The following PLXDC2 variants were observed in gnomAD, a reference collection of about 807,000 sequenced individuals.
The protein encoded by PLXDC2 is plexin domain-containing protein 2.
PLXDC2 carries 40 observed loss-of-function variants against 68.9 expected under a neutral mutation model. That is an observed-to-expected ratio of 0.58 (90% CI 0.45 to 0.76). The LOEUF (loss-of-function observed/expected upper bound fraction) is 0.76. PLXDC2 is among the 30% of genes least tolerant of loss of function. The pLI is 0.00. For synonymous variants in PLXDC2, 243 were observed against 234.2 expected (o/e 1.04, Z -0.34); for missense variants, 644 against 661.9 (o/e 0.97, Z 0.30).
At chr10:20,207,912 C>T (rs1835014636) in intron 9 of PLXDC2, among the ~76,000 whole-genome samples, 1 of 152,108 alleles carries the variant, frequency 6.6e-6, no homozygotes, top group African/African-American at 2.4e-5. Flanking sequence ...TCACATTCCA[C>T]TTGAATTAAA....
chr10:20,004,689 C>T (rs1176901093), intron 2 of PLXDC2, among the ~76,000 whole-genome samples: 3 of 152,200 alleles, frequency 2.0e-5, no homozygotes, highest in African/African-American at 7.2e-5. Context: ...TCTGTAATCT[C>T]TCCTGTGGGG....
At chr10:20,123,930 G>A (rs528899523) in intron 4 of PLXDC2, among the ~76,000 whole-genome samples, 4 of 152,020 alleles carry the variant, frequency 2.6e-5, no homozygotes, top group African/African-American at 9.7e-5. Flanking sequence ...GATATAAGGG[G>A]TTGGGGTAAT....
At chr10:20,269,392 G>A (rs1289202756) in intron 13 of PLXDC2, among the ~76,000 whole-genome samples, 6 of 152,026 alleles carry the variant, frequency 3.9e-5, no homozygotes, top group South Asian at 2.1e-4. Context: ...AAAGGATTCC[G>A]TCAAATGCTA....
intron 2 of PLXDC2, among the ~76,000 whole-genome samples, chr10:20,018,585 G>T (rs552331078): frequency 6.6e-6 from 1 of 152,030 alleles, no homozygotes; most frequent in Non-Finnish European, 1.5e-5. Flanking sequence ...GCTTATAAGC[G>T]GTTTACTACT....
At chr10:20,084,705 G>A (rs1433738580) in intron 4 of PLXDC2, among the ~76,000 whole-genome samples, 2 of 151,996 alleles carry the variant, frequency 1.3e-5, no homozygotes, top group African/African-American at 2.4e-5. Flanking sequence ...AAAGACAGTT[G>A]TGTTTAACGA....
chr10:20,283,638 A>G lies in PLXDC2; in HGVS notation c.*3819A>G, dbSNP rs192107246. On this transcript the variant is annotated 3_prime_UTR_variant, in exon 14 of 14. Coordinates refer to ENST00000377252, the MANE Select transcript of PLXDC2 (RefSeq NM_032812.9). The stretch of plus-strand genomic sequence containing the variant: ...CCATGTATTTATCCACTCTTTCACA[A>G]CATTGCCTATGAACATCCTTCAACT... 6.6e-6 allele frequency: 1 copy of G among 152,288 alleles called. No individual in the cohort carries two copies. Among genetic ancestry groups the G allele is most frequent in the Admixed American group, 6.5e-5 (1 of 15,298 alleles). The allele number at this position is 152,288 out of a possible 1,614,324, so 9.4% of individuals were successfully genotyped here. A position where few individuals can be genotyped will look rare whatever the true frequency, so the allele number is the denominator to read the frequency against.
chr10:20,120,843 C>T (rs144367388), intron 4 of PLXDC2, among the ~76,000 whole-genome samples: 53,089 of 152,002 alleles, frequency 0.35, 11,990 homozygotes, highest in Non-Finnish European at 0.52. Flanking sequence ...TTCTAAGAGG[C>T]GGGCTAGTGG....
At chr10:19,883,967 G>A (rs1589518325) in intron 1 of PLXDC2, among the ~76,000 whole-genome samples, 1 of 139,784 alleles carries the variant, frequency 7.2e-6, no homozygotes, top group African/African-American at 2.7e-5. Flanking sequence ...GATTGATCTC[G>A]GCTCACTGCA....
chr10:20,050,522 A>G (rs1313951459), intron 3 of PLXDC2, among the ~76,000 whole-genome samples: 1 of 152,152 alleles, frequency 6.6e-6, no homozygotes, highest in Non-Finnish European at 1.5e-5. Context: ...ACAAGAAAAA[A>G]ACGCATTAAA....
At chr10:20,200,770 T>A (rs993746283) in intron 9 of PLXDC2, among the ~76,000 whole-genome samples, 1 of 151,930 alleles carries the variant, frequency 6.6e-6, no homozygotes, top group African/African-American at 2.4e-5. Flanking sequence ...AATATAATTT[T>A]AAAAATACTC....
chr10:19,890,407 C>T (rs1261518886), intron 1 of PLXDC2, among the ~76,000 whole-genome samples: 4 of 152,082 alleles, frequency 2.6e-5, no homozygotes, highest in Non-Finnish European at 4.4e-5. Context: ...CTTCTTCCCT[C>T]CGCTCCCTAG....
intron 1 of PLXDC2, among the ~76,000 whole-genome samples, chr10:19,878,314 G>A (rs1162941011): frequency 1.3e-5 from 2 of 151,612 alleles, no homozygotes; most frequent in Non-Finnish European, 2.9e-5. Context: ...TGATCCTCCT[G>A]TCTCAGCCTC....
chr10:19,850,980 A>G (rs1383986963), intron 1 of PLXDC2, among the ~76,000 whole-genome samples: 2 of 152,198 alleles, frequency 1.3e-5, no homozygotes. Context: ...ATGTAACCCC[A>G]GAAGATTTAA....
intron 3 of PLXDC2, among the ~76,000 whole-genome samples, chr10:20,061,971 T>C (rs2131699939): frequency 6.6e-6 from 1 of 152,348 alleles, no homozygotes; most frequent in Admixed American, 6.5e-5. Flanking sequence ...AAACTAGTTT[T>C]AAAGAACTAT....
intron 5 of PLXDC2, among the ~76,000 whole-genome samples, 184 bp from the exon 6 acceptor site, chr10:20,147,600 C>G (rs1042315917): frequency 6.6e-6 from 1 of 152,096 alleles, no homozygotes; most frequent in African/African-American, 2.4e-5. Context: ...AGAGAGTACT[C>G]AATCCTTTAA....
chr10:20,065,108 T>C (rs1207460468), intron 3 of PLXDC2, among the ~76,000 whole-genome samples: 2 of 152,170 alleles, frequency 1.3e-5, no homozygotes, highest in African/African-American at 4.8e-5. Flanking sequence ...CAAGATTGGC[T>C]TTAGGGGTAA....
At chr10:20,156,719 G>T (rs911598828) in intron 6 of PLXDC2, among the ~76,000 whole-genome samples, 1 of 152,162 alleles carries the variant, frequency 6.6e-6, no homozygotes, top group East Asian at 1.9e-4. Context: ...CACCTTGACT[G>T]TCACGCTGTT....
intron 4 of PLXDC2, among the ~76,000 whole-genome samples, chr10:20,076,777 T>A (rs7093403): frequency 0.28 from 43,195 of 151,996 alleles, 8,626 homozygotes; most frequent in East Asian, 0.6. Context: ...GGAAGTAGAA[T>A]AGCATGTAAA....
intron 2 of PLXDC2, among the ~76,000 whole-genome samples, chr10:20,020,556 G>GAT (rs1001846617): frequency 7.8e-5 from 11 of 141,502 alleles, no homozygotes; most frequent in South Asian, 2.3e-4. Flanking sequence ...GTTCATGAGA[G>GAT]ATATATATAT....
Sources: gnomAD v4.1 joint callset for allele counts (sites outside exome capture counted in the v4.1 genomes callset) on GRCh38, gnomAD v4.1.1 for gene constraint, MANE v1.5 for transcripts, NCBI Gene and HGNC (gene_info 2026-07-23, HGNC 2026-07-21) for gene names.